Variants in MBP observed in about 807,000 individuals in gnomAD.
The protein encoded by MBP is myelin basic protein, also known as Golli-MBP.
MBP carries 16 observed loss-of-function variants against 35.8 expected under a neutral mutation model. That is an observed-to-expected ratio of 0.45 (90% CI 0.30 to 0.68). The LOEUF is 0.68. Ranked by LOEUF, MBP falls within the 30% of genes least tolerant of loss-of-function variation. MBP has a pLI of 0.08. For missense variants in MBP, 380 were observed against 404.7 expected, an observed-to-expected ratio of 0.94 and a Z score of 0.52; for synonymous variants, 143 against 159.6, an observed-to-expected ratio of 0.90 and a Z score of 0.78.
chr18:77,067,709 G>GC (rs1568322662), intron 2 of MBP: 2 of 427,676 alleles, frequency 4.7e-6, no homozygotes, highest in African/African-American at 4.0e-5. Context: ...TCCCTGCAGC[G>GC]CCCCACCCTG....
At chr18:77,121,400 T>C (rs1480267271) in intron 1 of MBP, among the ~76,000 whole-genome samples, 2 of 152,210 alleles carry the variant, frequency 1.3e-5, no homozygotes, top group Non-Finnish European at 2.9e-5. Context: ...TGTGTTTTAG[T>C]GTTAGGACTC....
intron 3 of MBP, among the ~76,000 whole-genome samples, chr18:77,039,969 G>A (rs1017920621): frequency 2.0e-5 from 3 of 152,158 alleles, no homozygotes; most frequent in South Asian, 2.1e-4. Flanking sequence ...GCATGACTGC[G>A]CATGCACTTG....
intron 7 of MBP, chr18:76,985,195 G>C: frequency 6.9e-7 from 1 of 1,449,016 alleles, no homozygotes; most frequent in Non-Finnish European, 9.2e-7. Context: ...TTAGGGAACA[G>C]TTGCTTACCT....
chr18:76,997,893 A>G (rs892452709), intron 4 of MBP, among the ~76,000 whole-genome samples: 8 of 152,072 alleles, frequency 5.3e-5, no homozygotes, highest in East Asian at 1.9e-4. Flanking sequence ...TGTGTTAGCC[A>G]GGATGGTCTC....
At chr18:76,992,181 G>A (rs750938538) in intron 4 of MBP, among the ~76,000 whole-genome samples, 2 of 152,202 alleles carry the variant, frequency 1.3e-5, no homozygotes, top group African/African-American at 2.4e-5. Context: ...ACCAGGGATG[G>A]GTTTTGTGGA....
intron 4 of MBP, among the ~76,000 whole-genome samples, chr18:76,993,562 A>AC (rs1970088145): frequency 1.3e-5 from 2 of 151,068 alleles, no homozygotes; most frequent in Non-Finnish European, 2.9e-5. Context: ...AAAAAAAAAA[A>AC]AAAAAACAAA....
chr18:77,028,569 G>A (rs866029615), intron 3 of MBP, among the ~76,000 whole-genome samples: 148 of 87,468 alleles, frequency 1.7e-3, no homozygotes, highest in Non-Finnish European at 2.7e-3. Flanking sequence ...AGGGGCGGCC[G>A]GGCAGAGGCG....
chr18:76,985,860 T>A (rs1969528928), intron 7 of MBP: 1 of 988,660 alleles, frequency 1.0e-6, no homozygotes, highest in Admixed American at 6.0e-5. Flanking sequence ...AGCTGTCATT[T>A]ATGGAAGAGC....
rs1302997075 is a variant in MBP at position 76,979,866 on chromosome 18, C to T, written c.*561G>A. 2.9e-6 allele frequency: 2 copies of T among 680,126 alleles called. No individual in the cohort carries two copies. The highest frequency in any genetic ancestry group is 5.3e-6 in the Non-Finnish European group (2 of 375,130). 42.1% of individuals were successfully genotyped at this position (680,126 alleles called of 1,614,324 possible). A position where few individuals can be genotyped will look rare whatever the true frequency, so the allele number is the denominator to read the frequency against. On this transcript the variant is annotated 3_prime_UTR_variant, in exon 9 of 9. Transcript: ENST00000355994. ...TAACAGCTGCCCAGCCCGCATGTCA[C>T]ATACCAAAAGCTCCCACATGTAGTA...
intron 1 of MBP, among the ~76,000 whole-genome samples, chr18:77,111,489 C>A (rs1304953648): frequency 6.6e-6 from 1 of 152,254 alleles, no homozygotes; most frequent in Non-Finnish European, 1.5e-5. Context: ...CGCTAAAGGC[C>A]AGGCAGGGGC....
chr18:77,030,604 G>GTGTTATTTTCCATAATC (rs1568302878), intron 3 of MBP, among the ~76,000 whole-genome samples: 1 of 152,196 alleles, frequency 6.6e-6, no homozygotes, highest in Non-Finnish European at 1.5e-5. Context: ...ACACCAAAAT[G>GTGTTATTTTCCATAATC]TGTTATTTTC....
intron 3 of MBP, among the ~76,000 whole-genome samples, chr18:77,027,078 T>C (rs1972253217): frequency 6.6e-6 from 1 of 152,100 alleles, no homozygotes; most frequent in African/African-American, 2.4e-5. Context: ...CCCATCTAAA[T>C]GGGGATTCCC....
chr18:77,013,608 T>C, intron 4 of MBP: 1 of 985,402 alleles, frequency 1.0e-6, no homozygotes, highest in Non-Finnish European at 1.2e-6. Flanking sequence ...ATTAGAGGCA[T>C]AGAAGTCATA....
rs184045568 is a variant in MBP, at chr18:77,023,793, C to G, written c.140-6525G>C. 1.8e-3 allele frequency among the ~76,000 whole-genome samples: 276 copies of G among 152,306 alleles called. 2 individuals carry two copies. Among genetic ancestry groups the G allele is most frequent in the African/African-American group, 6.3e-3 (260 of 41,572 alleles). On this transcript the variant is annotated intron_variant, in intron 3 of 8. Coordinates refer to ENST00000355994, the MANE Select transcript of MBP (RefSeq NM_001025101.2). The stretch of plus-strand genomic sequence containing the variant: ...CCTGGGAGGCCCAGACACCCTTCTC[C>G]GAGTGCGTCTTACCCTCCAGTACCA...
At chr18:77,054,679 G>A (rs1404638882) in intron 3 of MBP, among the ~76,000 whole-genome samples, 1 of 152,220 alleles carries the variant, frequency 6.6e-6, no homozygotes, top group Non-Finnish European at 1.5e-5. Flanking sequence ...CATAGAAATA[G>A]TGCTCCTCAT....
chr18:77,103,968 C>T lies in MBP; in HGVS notation c.51+1243G>A, dbSNP rs73493042. ...ACAAAGAAGATGAATTCTTACTAGC[C>T]GGAAGGATTCGAATGACTTTTAATT... is the stretch of plus-strand genomic sequence containing the variant. On this transcript the variant is annotated intron_variant, in intron 2 of 8. Coordinates refer to ENST00000355994, the MANE Select transcript of MBP (RefSeq NM_001025101.2). Among the ~76,000 whole-genome samples the T allele has an allele frequency of 8.6e-3, 1,313 of 152,300 alleles. 26 individuals are homozygous for T. Among genetic ancestry groups the T allele is most frequent in the African/African-American group, 0.03 (1,248 of 41,544 alleles).
intron 4 of MBP, among the ~76,000 whole-genome samples, chr18:77,010,498 C>T (rs972341106): frequency 2.6e-5 from 4 of 152,142 alleles, no homozygotes; most frequent in East Asian, 1.9e-4. Flanking sequence ...TTCAGTGAAC[C>T]GAGGACGGAC....
intron 1 of MBP, among the ~76,000 whole-genome samples, chr18:77,126,331 T>C (rs754477476): frequency 1.3e-5 from 2 of 152,166 alleles, no homozygotes; most frequent in Admixed American, 6.5e-5. Flanking sequence ...CTCATGAACA[T>C]ATAAATTGTC....
intron 4 of MBP, chr18:77,009,766 TGCCCCGAGGGACAGTGGCTGAGAGCTC>T (rs1971226468): frequency 2.4e-6 from 3 of 1,271,170 alleles, no homozygotes; most frequent in Non-Finnish European, 3.3e-6. Flanking sequence ...TGACACTACC[TGCCCCGAGGGACAGTGGCTGAGAGCTC>T]AGGAAACGGC....
Sources: allele counts gnomAD v4.1 joint callset (sites outside exome capture counted in the v4.1 genomes callset), GRCh38; gene constraint gnomAD v4.1.1; transcripts MANE v1.5; gene names NCBI Gene and HGNC (gene_info 2026-07-23, HGNC 2026-07-21).